AARS1: variants seen among roughly 807,000 people sequenced by gnomAD.
The protein encoded by AARS1 is alanyl-tRNA synthetase 1, also known as alanine--tRNA ligase, cytoplasmic.
In AARS1, 72 loss-of-function variants were observed where a neutral mutation model predicts 108.9. The ratio of observed to expected loss-of-function variants is 0.66; its 90% CI spans 0.55 to 0.80. The LOEUF is 0.80. AARS1 is among the 30% of genes least tolerant of loss of function. The pLI, the probability that AARS1 is intolerant of heterozygous loss-of-function variation, is 0.00. For missense variants in AARS1, 1,193 were observed against 1,233.2 expected (o/e 0.97, Z 0.49); for synonymous variants, 489 against 465.7 (o/e 1.05, Z -0.64).
At position 70,272,081 on chromosome 16, in the gene AARS1, A is replaced by C. The variant is rs1440889351; in HGVS notation, c.480-109T>G. The C allele has an allele frequency of 3.2e-6, 3 of 949,420 alleles. No individual in the cohort carries two copies. The African/African-American group carries it at 4.8e-5, about 15-fold the overall frequency. The allele number at this position is 949,420 out of a possible 1,614,324, so 58.8% of individuals were successfully genotyped here. ...TAGGATTGGCCGGGCACAGTGGCTC[A>C]TGTTACTGCACTCCAGCCTAGACAA... On this transcript the variant is annotated intron_variant, in intron 4 of 20. Transcript: ENST00000261772.
At chr16:70,270,044 G>A in intron 6 of AARS1, 152 bp downstream of exon 6, 1 of 1,008,512 alleles carries the variant, frequency 9.9e-7, no homozygotes, top group South Asian at 1.4e-5. Context: ...ACCAATTTGT[G>A]GAGCCTCACA....
At chr16:70,282,423 G>A (rs1403868957) in intron 2 of AARS1, among the ~76,000 whole-genome samples, 197 bp downstream of exon 2, 2 of 150,928 alleles carry the variant, frequency 1.3e-5, no homozygotes, top group South Asian at 2.1e-4. Flanking sequence ...TATCTTATTC[G>A]CTTCTCACTA....
chr16:70,252,687 G>T lies in AARS1; in HGVS notation c.*34C>A. Reference sequence around the variant, plus strand: ...GCAGATGAAGAGCTCTTGGCTGGACGGATGGATCCAGTGGGAGCCTCCTCC... The same window carrying T: ...GCAGATGAAGAGCTCTTGGCTGGACTGATGGATCCAGTGGGAGCCTCCTCC... On this transcript the variant is annotated 3_prime_UTR_variant, in exon 21 of 21. Transcript: ENST00000261772. 2.5e-6 allele frequency: 4 copies of T among 1,610,486 alleles called. No individual in the cohort carries two copies. Among genetic ancestry groups the T allele is most frequent in the Non-Finnish European group, 3.4e-6 (4 of 1,177,664 alleles).
At chr16:70,277,479 G>C (rs1241879740) in intron 2 of AARS1, among the ~76,000 whole-genome samples, 2 of 152,108 alleles carry the variant, frequency 1.3e-5, no homozygotes, top group Non-Finnish European at 2.9e-5. Context: ...CTGAAGTTCA[G>C]GGCTTATACC....
chr16:70,287,432 T>C (rs1960876625), intron 1 of AARS1, among the ~76,000 whole-genome samples: 1 of 149,698 alleles, frequency 6.7e-6, no homozygotes, highest in Non-Finnish European at 1.5e-5. Context: ...GTTTCAACTT[T>C]TTTTTTGAGG....
At chr16:70,269,541 A>G in intron 7 of AARS1, 77 bp downstream of exon 7, 1 of 1,595,232 alleles carries the variant, frequency 6.3e-7, no homozygotes, top group Non-Finnish European at 8.5e-7. Context: ...CTCACACACA[A>G]AGAAAAGTTT....
intron 13 of AARS1, among the ~76,000 whole-genome samples, 192 bp from the exon 14 acceptor site, chr16:70,259,378 A>T (rs1960080240): frequency 6.6e-6 from 1 of 152,206 alleles, no homozygotes. Flanking sequence ...TTTGAACAGA[A>T]GTGATGTCTA....
At chr16:70,263,494 C>T (rs1017058095) in intron 11 of AARS1, among the ~76,000 whole-genome samples, 2 of 151,316 alleles carry the variant, frequency 1.3e-5, no homozygotes, top group Admixed American at 6.6e-5. Flanking sequence ...TCACTTCAAG[C>T]TGGGAGGCAG....
chr16:70,289,406 C>T lies in AARS1; in HGVS notation c.-22+15G>A, dbSNP rs1960979208. 7.8e-6 allele frequency: 3 copies of T among 382,178 alleles called. No individual in the cohort carries two copies. The highest frequency in any genetic ancestry group is 7.2e-5 in the East Asian group (1 of 13,826). 23.7% of individuals were successfully genotyped at this position (382,178 alleles called of 1,614,324 possible). A position where few individuals can be genotyped will look rare whatever the true frequency, so the allele number is the denominator to read the frequency against. Reference sequence around the variant, plus strand: ...CGCTCTCCTAGCACCGCAGAGCTCTCCGAGGGCGGCCTACCTCTCCTAGGG... The same window carrying T: ...CGCTCTCCTAGCACCGCAGAGCTCTTCGAGGGCGGCCTACCTCTCCTAGGG... On this transcript the variant is annotated intron_variant, in intron 1 of 20. Transcript: ENST00000261772.
At chr16:70,257,516 T>C (rs1960020753) in intron 15 of AARS1, among the ~76,000 whole-genome samples, 1 of 152,094 alleles carries the variant, frequency 6.6e-6, no homozygotes, top group Non-Finnish European at 1.5e-5. Context: ...CCCAGAGAGA[T>C]ACAGAGGAAT....
At chr16:70,284,509 G>A (rs1960793383) in intron 1 of AARS1, among the ~76,000 whole-genome samples, 2 of 152,078 alleles carry the variant, frequency 1.3e-5, no homozygotes, top group African/African-American at 4.8e-5. Context: ...AGCTGAGGCA[G>A]GAGAATGGCG....
intron 1 of AARS1, 65 bp from the exon 2 acceptor site, chr16:70,282,849 A>G (rs1960738047): frequency 6.5e-7 from 1 of 1,529,384 alleles, no homozygotes; most frequent in Non-Finnish European, 9.0e-7. Context: ...ACATTACACA[A>G]GACTTCTGGC....
At chr16:70,262,964 T>G (rs1207421742) in intron 11 of AARS1, among the ~76,000 whole-genome samples, 5 of 12,238 alleles carry the variant, frequency 4.1e-4, no homozygotes, top group Admixed American at 1.6e-3. Flanking sequence ...CAAGACTCGG[T>G]CTCAAAAAAA....
chr16:70,263,343 G>C (rs752904978), intron 11 of AARS1, among the ~76,000 whole-genome samples: 1 of 152,152 alleles, frequency 6.6e-6, no homozygotes, highest in East Asian at 1.9e-4. Context: ...AGGCTGAGAC[G>C]GGTGGATAAC....
intron 4 of AARS1, among the ~76,000 whole-genome samples, chr16:70,275,580 G>C (rs1960522988): frequency 6.6e-6 from 1 of 151,940 alleles, no homozygotes; most frequent in African/African-American, 2.4e-5. Flanking sequence ...GGCTAACACG[G>C]TGAAACCCCG....
intron 13 of AARS1, among the ~76,000 whole-genome samples, chr16:70,260,039 C>A (rs1228742342): frequency 6.6e-6 from 1 of 152,078 alleles, no homozygotes; most frequent in Non-Finnish European, 1.5e-5. Context: ...CCCAAAGTGC[C>A]GGGATTACAG....
intron 4 of AARS1, among the ~76,000 whole-genome samples, chr16:70,274,655 C>G (rs1482037242): frequency 6.8e-6 from 1 of 146,550 alleles, no homozygotes; most frequent in Non-Finnish European, 1.5e-5. Flanking sequence ...ACCCAGGAGG[C>G]AGAGGTTGCA....
At chr16:70,276,738 C>A in intron 3 of AARS1, 107 bp from the exon 4 acceptor site, 1 of 1,338,812 alleles carries the variant, frequency 7.5e-7, no homozygotes, top group East Asian at 2.4e-5. Flanking sequence ...CATGTTCACT[C>A]TAAATTCAAA....
Position 70,265,549 on chromosome 16 carries a change from T to C in AARS1, c.1336A>G (p.Lys446Glu). Residue 446 changes from lysine (K) to glutamate (E), a missense_variant, in exon 10 of 21, where the codon AAA becomes GAA. By Grantham distance (56) the Lys-to-Glu change is moderately conservative. Transcript: ENST00000261772. Reference protein sequence around the residue: ...VDMDGFEEERKLAQLKSQGKG... With the variant: ...VDMDGFEEERELAQLKSQGKG... ...TCCAAGTTCTTTACCTGGGCCAGTT[T>C]CCTCTCCTCTTCAAAGCCATCCATG... 1 of 1,613,948 alleles carries C rather than the reference T, an allele frequency of 6.2e-7. No homozygotes were observed. The highest frequency in any genetic ancestry group is 8.5e-7 in the Non-Finnish European group (1 of 1,179,920).
Sources: allele counts gnomAD v4.1 joint callset (sites outside exome capture counted in the v4.1 genomes callset), GRCh38; gene constraint gnomAD v4.1.1; transcripts MANE v1.5; gene names NCBI Gene and HGNC (gene_info 2026-07-23, HGNC 2026-07-21).